Variants in PXDNL observed in about 807,000 individuals in gnomAD.
PXDNL encodes the protein probable oxidoreductase PXDNL.
PXDNL carries 145 observed loss-of-function variants against 150.8 expected under a neutral mutation model. That is an observed-to-expected ratio of 0.96 (90% confidence interval 0.84 to 1.10). The LOEUF is 1.10. Among genes scored for constraint, PXDNL ranks in the 50% least tolerant of loss-of-function variants. PXDNL has a pLI of 0.00. For missense variants in PXDNL, 2,087 were observed against 1,873.9 expected (o/e 1.11, Z -2.10); for synonymous variants, 757 against 725.7 (o/e 1.04, Z -0.69).
intron 4 of PXDNL, among the ~76,000 whole-genome samples, chr8:51,512,465 T>C (rs1240077223): frequency 2.0e-5 from 3 of 151,840 alleles, no homozygotes. Flanking sequence ...AAGAGTAATA[T>C]AGAAAAAGGG....
chr8:51,379,099 A>AT (rs1807454257), intron 17 of PXDNL, among the ~76,000 whole-genome samples: 1 of 151,722 alleles, frequency 6.6e-6, no homozygotes, highest in South Asian at 2.1e-4. Flanking sequence ...GTCCATGGAG[A>AT]TTTTTTTAAT....
intron 2 of PXDNL, among the ~76,000 whole-genome samples, chr8:51,628,406 T>A (rs1022957684): frequency 5.9e-5 from 7 of 119,256 alleles, no homozygotes; most frequent in African/African-American, 2.3e-4. Flanking sequence ...TTTCTTTTTT[T>A]TTTTTTTTTT....
At chr8:51,478,105 C>T (rs1010840698) in intron 6 of PXDNL, among the ~76,000 whole-genome samples, 6 of 151,906 alleles carry the variant, frequency 3.9e-5, no homozygotes, top group South Asian at 4.2e-4. Context: ...CATGAGAAAA[C>T]GTTTTCAAAA....
chr8:51,334,462 A>G (rs914150754), intron 21 of PXDNL, among the ~76,000 whole-genome samples: 3 of 152,138 alleles, frequency 2.0e-5, no homozygotes, highest in Non-Finnish European at 2.9e-5. Context: ...AAAGGAAATT[A>G]CCAAGATCAG....
At chr8:51,524,647 C>A (rs1811731258) in intron 4 of PXDNL, among the ~76,000 whole-genome samples, 1 of 152,064 alleles carries the variant, frequency 6.6e-6, no homozygotes, top group African/African-American at 2.4e-5. Context: ...AAAAAGATTT[C>A]TATAAAATAA....
At chr8:51,625,594 G>T (rs549300022) in intron 2 of PXDNL, among the ~76,000 whole-genome samples, 5 of 152,278 alleles carry the variant, frequency 3.3e-5, no homozygotes, top group South Asian at 4.1e-4. Flanking sequence ...TCTTGCCATG[G>T]TCTGGAGGGA....
At chr8:51,445,188 G>A (rs1453509937) in intron 12 of PXDNL, among the ~76,000 whole-genome samples, 2 of 152,060 alleles carry the variant, frequency 1.3e-5, no homozygotes, top group Non-Finnish European at 2.9e-5. Flanking sequence ...TCAAAGTGTT[G>A]GGATTACAGG....
At chr8:51,581,000 C>A (rs772835586) in intron 3 of PXDNL, among the ~76,000 whole-genome samples, 4 of 152,152 alleles carry the variant, frequency 2.6e-5, no homozygotes, top group African/African-American at 7.2e-5. Context: ...GAAAAGGATT[C>A]TCTCACTATG....
At chr8:51,624,615 T>G (rs1814329309) in intron 2 of PXDNL, among the ~76,000 whole-genome samples, 1 of 149,696 alleles carries the variant, frequency 6.7e-6, no homozygotes, top group Non-Finnish European at 1.5e-5. Context: ...AATAAAGAAA[T>G]AAAAGTGTTT....
At chr8:51,639,518 G>A (rs1200515560) in intron 2 of PXDNL, among the ~76,000 whole-genome samples, 1 of 152,026 alleles carries the variant, frequency 6.6e-6, no homozygotes, top group African/African-American at 2.4e-5. Context: ...TGATAAAGGG[G>A]ATATCACCAC....
At chr8:51,500,680 C>A (rs1811159990) in intron 4 of PXDNL, among the ~76,000 whole-genome samples, 1 of 152,178 alleles carries the variant, frequency 6.6e-6, no homozygotes, top group Non-Finnish European at 1.5e-5. Context: ...GAAAGCACTG[C>A]AGATACAAAG....
At chr8:51,621,331 A>T (rs1373762182) in intron 2 of PXDNL, among the ~76,000 whole-genome samples, 4 of 152,192 alleles carry the variant, frequency 2.6e-5, no homozygotes, top group Non-Finnish European at 4.4e-5. Context: ...GGTATTCTAA[A>T]ACTATAGAGC....
At chr8:51,794,010 T>G (rs1331794196) in intron 1 of PXDNL, among the ~76,000 whole-genome samples, 2 of 151,636 alleles carry the variant, frequency 1.3e-5, no homozygotes, top group Non-Finnish European at 2.9e-5. Flanking sequence ...ACATGAGAAT[T>G]TCACAATGCA....
chr8:51,485,019 T>G (rs4873553), intron 5 of PXDNL, among the ~76,000 whole-genome samples: 1 of 152,196 alleles, frequency 6.6e-6, no homozygotes, highest in Non-Finnish European at 1.5e-5. Flanking sequence ...GAAACTTAAC[T>G]ATTAGCTACA....
chr8:51,418,066 T>C (rs2129685350), intron 14 of PXDNL, among the ~76,000 whole-genome samples: 1 of 152,326 alleles, frequency 6.6e-6, no homozygotes, highest in Non-Finnish European at 1.5e-5. Context: ...TGTTAAAATT[T>C]TGAGAGCATT....
intron 4 of PXDNL, among the ~76,000 whole-genome samples, chr8:51,528,886 C>T (rs1811823181): frequency 6.6e-6 from 1 of 152,174 alleles, no homozygotes; most frequent in Non-Finnish European, 1.5e-5. Flanking sequence ...TCCCCTAAAG[C>T]ATCCAGAAAG....
In PXDNL at chr8:51,609,158, C is replaced by T. The variant is rs192651730; in HGVS notation, c.237-16460G>A. ...GGAGCAGTATTTAATAACTCAAGGT[C>T]ATGTGTTCTAATTCTCAATAAATCT... is the stretch of plus-strand genomic sequence containing the variant. On this transcript the variant is annotated intron_variant, in intron 2 of 22. Coordinates refer to ENST00000356297, the MANE Select transcript of PXDNL (RefSeq NM_144651.5). 4.8e-4 allele frequency among the ~76,000 whole-genome samples: 73 copies of T among 152,306 alleles called. 1 individual carries two copies. The Middle Eastern group carries it at 0.01, about 21-fold the overall frequency.
intron 4 of PXDNL, among the ~76,000 whole-genome samples, chr8:51,533,774 C>T (rs1448843990): frequency 1.3e-5 from 2 of 150,860 alleles, no homozygotes; most frequent in African/African-American, 2.5e-5. Flanking sequence ...GACGGAGTCT[C>T]GTTCACTCAG....
At chr8:51,471,675 C>T (rs1215563068) in intron 8 of PXDNL, among the ~76,000 whole-genome samples, 1 of 150,506 alleles carries the variant, frequency 6.6e-6, no homozygotes, top group Non-Finnish European at 1.5e-5. Flanking sequence ...TCTGGAAATG[C>T]ATAATTTTTT....
Sources: gnomAD v4.1 joint callset for allele counts (sites outside exome capture counted in the v4.1 genomes callset) on GRCh38, gnomAD v4.1.1 for gene constraint, MANE v1.5 for transcripts, NCBI Gene and HGNC (gene_info 2026-07-23, HGNC 2026-07-21) for gene names.